RAB3C: variants seen among roughly 807,000 people sequenced by gnomAD.
RAB3C encodes the protein RAB3C, member RAS oncogene family, also known as ras-related protein Rab-3C.
Under a neutral mutation model 26.4 loss-of-function variants are expected in RAB3C, and 17 were observed. That is an observed-to-expected ratio of 0.64 (90% CI 0.44 to 0.97). RAB3C has a LOEUF of 0.97. Ranked by LOEUF, RAB3C falls within the 50% of genes least tolerant of loss-of-function variation. The probability of loss-of-function intolerance (pLI) is 0.00; values close to 1 mark genes in which losing one functional copy is unlikely to be tolerated. For synonymous variants in RAB3C, 91 were observed against 95.9 expected (o/e 0.95, Z 0.30); for missense variants, 242 against 281.9 (o/e 0.86, Z 1.01).
intron 3 of RAB3C, among the ~76,000 whole-genome samples, chr5:58,796,045 T>G (rs1742640505): frequency 6.6e-6 from 1 of 152,150 alleles, no homozygotes; most frequent in African/African-American, 2.4e-5. Flanking sequence ...TCCAATCAGG[T>G]TCACTGATAT....
chr5:58,842,971 T>C (rs1743907456), intron 4 of RAB3C, among the ~76,000 whole-genome samples: 1 of 152,184 alleles, frequency 6.6e-6, no homozygotes, highest in Non-Finnish European at 1.5e-5. Context: ...TATAAGAAGA[T>C]GGACATTAGG....
intron 3 of RAB3C, among the ~76,000 whole-genome samples, chr5:58,810,267 C>T (rs1213538290): frequency 6.6e-6 from 1 of 151,980 alleles, no homozygotes; most frequent in Non-Finnish European, 1.5e-5. Context: ...ACAGGGAGGG[C>T]AAGAAACATA....
chr5:58,729,755 A>G (rs946562123), intron 3 of RAB3C, among the ~76,000 whole-genome samples: 6 of 143,340 alleles, frequency 4.2e-5, no homozygotes, highest in African/African-American at 1.6e-4. Context: ...TTATATTTAT[A>G]TATATACACA....
At chr5:58,650,356 T>A (rs1395252692) in intron 2 of RAB3C, among the ~76,000 whole-genome samples, 1 of 151,840 alleles carries the variant, frequency 6.6e-6, no homozygotes, top group East Asian at 1.9e-4. Flanking sequence ...AGAAATGAAG[T>A]GAGACAGTAA....
At chr5:58,747,094 A>G (rs1030249170) in intron 3 of RAB3C, among the ~76,000 whole-genome samples, 1 of 152,204 alleles carries the variant, frequency 6.6e-6, no homozygotes, top group African/African-American at 2.4e-5. Context: ...TCCAGAACCA[A>G]CAACAAAATC....
At chr5:58,828,117 G>A (rs1743531496) in intron 4 of RAB3C, among the ~76,000 whole-genome samples, 2 of 152,146 alleles carry the variant, frequency 1.3e-5, no homozygotes, top group Admixed American at 1.3e-4. Context: ...AAAAATTCTT[G>A]TATGGCAGCT....
chr5:58,639,001 C>A (rs1276086890), intron 2 of RAB3C, among the ~76,000 whole-genome samples: 1 of 152,174 alleles, frequency 6.6e-6, no homozygotes, highest in Non-Finnish European at 1.5e-5. Context: ...CTCCCTAGAT[C>A]TACACTTGCA....
intron 1 of RAB3C, among the ~76,000 whole-genome samples, chr5:58,612,532 A>AGG (rs1554044135): frequency 1.1e-5 from 1 of 87,204 alleles, no homozygotes; most frequent in Non-Finnish European, 2.4e-5. Context: ...ATATATATAT[A>AGG]TATATATATA....
intron 3 of RAB3C, among the ~76,000 whole-genome samples, chr5:58,756,691 G>A (rs370028467): frequency 0.099 from 13,689 of 138,222 alleles, 489 homozygotes; most frequent in East Asian, 0.14. Context: ...CCAAATATGT[G>A]ATGTTTGGTT....
intron 2 of RAB3C, among the ~76,000 whole-genome samples, chr5:58,709,240 TG>T (rs1749009921): frequency 6.6e-6 from 1 of 152,226 alleles, no homozygotes; most frequent in African/African-American, 2.4e-5. Context: ...TAATTTTACA[TG>T]TTGTTGTCTT....
chr5:58,606,743 C>G (rs187561407), intron 1 of RAB3C, among the ~76,000 whole-genome samples: 46 of 152,330 alleles, frequency 3.0e-4, no homozygotes, highest in African/African-American at 1.1e-3. Context: ...TGCTGTTCTG[C>G]AGTCTCTGCT....
chr5:58,707,635 C>T (rs1203427687), intron 2 of RAB3C, among the ~76,000 whole-genome samples: 2 of 152,136 alleles, frequency 1.3e-5, no homozygotes, highest in African/African-American at 4.8e-5. Context: ...AACAATTATC[C>T]CACGTTGATC....
intron 3 of RAB3C, among the ~76,000 whole-genome samples, chr5:58,734,113 A>G (rs967196158): frequency 2.6e-5 from 4 of 152,324 alleles, no homozygotes; most frequent in South Asian, 2.1e-4. Context: ...TCTTCCTATC[A>G]GTTTTAAATA....
Position 58,843,899 on chromosome 5 carries a change from C to A in RAB3C, c.497-7265C>A, listed in dbSNP as rs577670310. ...CCATTAACCCCACTACTTCTCCCAG[C>A]CAATTAACAGAAATCTATTCTTTAA... On this transcript the variant is annotated intron_variant, in intron 4 of 4. Transcript: ENST00000282878. 2.0e-5 allele frequency among the ~76,000 whole-genome samples: 3 copies of A among 152,246 alleles called. No homozygotes were observed. In the East Asian group the frequency reaches 5.8e-4, roughly 29 times the overall value.
chr5:58,688,645 ATT>A (rs1228370967), intron 2 of RAB3C, among the ~76,000 whole-genome samples: 2 of 152,078 alleles, frequency 1.3e-5, no homozygotes, highest in African/African-American at 4.8e-5. Flanking sequence ...ACCAGGAAAG[ATT>A]TGTGTTCTTT....
chr5:58,605,856 G>C lies in RAB3C; in HGVS notation c.25-11787G>C, dbSNP rs1209223484. Among the ~76,000 whole-genome samples, 3 of 152,180 alleles carry C rather than the reference G, an allele frequency of 2.0e-5. No individual in the cohort carries two copies. In the East Asian group the frequency reaches 5.8e-4, roughly 29 times the overall value. On this transcript the variant is annotated intron_variant, in intron 1 of 4. Transcript: ENST00000282878. ...GGAGGTAGAGGTTGCGGTGAGCCAA[G>C]ATCGTGCCATTGCACTCCAACCTGG...
At chr5:58,717,659 C>G (rs577922984) in intron 2 of RAB3C, among the ~76,000 whole-genome samples, 149 of 152,220 alleles carry the variant, frequency 9.8e-4, no homozygotes, top group Non-Finnish European at 2.0e-3. Flanking sequence ...CAGGAGACAG[C>G]TCTCTTGGAG....
intron 1 of RAB3C, among the ~76,000 whole-genome samples, chr5:58,610,813 T>A (rs1233011196): frequency 6.6e-6 from 1 of 152,118 alleles, no homozygotes; most frequent in African/African-American, 2.4e-5. Flanking sequence ...TAGGTAAATT[T>A]GTGTCATGGA....
At chr5:58,769,140 T>C (rs1319943012) in intron 3 of RAB3C, among the ~76,000 whole-genome samples, 2 of 151,740 alleles carry the variant, frequency 1.3e-5, no homozygotes. Context: ...TCTCGGTAGA[T>C]GATGGCAGCA....
Sources: allele counts gnomAD v4.1 joint callset (sites outside exome capture counted in the v4.1 genomes callset), GRCh38; gene constraint gnomAD v4.1.1; transcripts MANE v1.5; gene names NCBI Gene and HGNC (gene_info 2026-07-23, HGNC 2026-07-21).